The following DSCAM variants were observed in gnomAD, a reference collection of about 807,000 sequenced individuals.
DSCAM encodes DS cell adhesion molecule.
A neutral mutation model predicts 217.7 loss-of-function variants in DSCAM; 47 were observed. That is an observed-to-expected ratio of 0.22 (90% confidence interval 0.17 to 0.28). DSCAM has a LOEUF of 0.28. Among genes scored for constraint, DSCAM ranks in the 10% least tolerant of loss-of-function variants. The pLI, the probability that DSCAM is intolerant of heterozygous loss-of-function variation, is 1.00. For missense variants in DSCAM, 2,080 were observed against 2,618.3 expected, an observed-to-expected ratio of 0.79 and a Z score of 4.49; for synonymous variants, 1,056 against 1,015.3, an observed-to-expected ratio of 1.04 and a Z score of -0.76.
At chr21:40,755,527 G>C (rs1389554945) in intron 1 of DSCAM, among the ~76,000 whole-genome samples, 1 of 152,132 alleles carries the variant, frequency 6.6e-6, no homozygotes, top group Non-Finnish European at 1.5e-5. Context: ...TTAGATTTGA[G>C]GGTGGGTATG....
chr21:40,759,073 G>C (rs183073475), intron 1 of DSCAM, among the ~76,000 whole-genome samples: 2 of 152,116 alleles, frequency 1.3e-5, no homozygotes, highest in Non-Finnish European at 2.9e-5. Flanking sequence ...GTAGTGAGGA[G>C]GCACAAAAAG....
chr21:40,690,658 C>T (rs922427482), intron 3 of DSCAM, among the ~76,000 whole-genome samples: 1 of 152,036 alleles, frequency 6.6e-6, no homozygotes, highest in Non-Finnish European at 1.5e-5. Flanking sequence ...AGCATCATCC[C>T]CTCACTAGAT....
At chr21:40,499,362 T>C (rs2076154188) in intron 3 of DSCAM, among the ~76,000 whole-genome samples, 1 of 152,222 alleles carries the variant, frequency 6.6e-6, no homozygotes, top group South Asian at 2.1e-4. Flanking sequence ...GGTTTCTCTC[T>C]TGCTCTTTGA....
At position 40,369,330 on chromosome 21, in the gene DSCAM, T is replaced by C. The variant is rs9636970; in HGVS notation, c.509-85A>G. 4.2e-3 allele frequency: 5,994 copies of C among 1,414,834 alleles called. 142 individuals are homozygous for C. In the East Asian group the frequency reaches 0.061, roughly 14 times the overall value. 87.6% of individuals were successfully genotyped at this position (1,414,834 alleles called of 1,614,324 possible). A position where few individuals can be genotyped will look rare whatever the true frequency, so the allele number is the denominator to read the frequency against. On this transcript the variant is annotated intron_variant, in intron 3 of 32. Transcript: ENST00000400454. ...GACAAAGTCCTTAAACAGTTTTTTT[T>C]TTCCCCCACCTGAAGAAACTTAATG...
intron 2 of DSCAM, among the ~76,000 whole-genome samples, chr21:40,702,954 G>A (rs11911002): frequency 0.13 from 20,203 of 152,022 alleles, 2,407 homozygotes; most frequent in African/African-American, 0.32. Context: ...TTTTACTTCT[G>A]CCTATGTTAC....
In DSCAM at chr21:40,087,096, C is replaced by T. The variant is rs902432668; in HGVS notation, c.3968+74G>A. 4.4e-6 allele frequency: 5 copies of T among 1,138,570 alleles called. No homozygotes were observed. The African/African-American group carries it at 4.6e-5, about 10-fold the overall frequency. 70.5% of individuals were successfully genotyped at this position (1,138,570 alleles called of 1,614,324 possible). A position where few individuals can be genotyped will look rare whatever the true frequency, so the allele number is the denominator to read the frequency against. On this transcript the variant is annotated intron_variant, in intron 22 of 32. Coordinates refer to ENST00000400454, the MANE Select transcript of DSCAM (RefSeq NM_001389.5). ...AAATAAACACAAAATTAGGAGACCA[C>T]TAGACACAACCTGAGTATGTCAGAT...
intron 1 of DSCAM, among the ~76,000 whole-genome samples, chr21:40,809,441 A>G (rs2091817785): frequency 2.0e-5 from 3 of 151,688 alleles, no homozygotes; most frequent in Admixed American, 2.0e-4. Flanking sequence ...CGATTGTTGT[A>G]CAACTCTGTG....
At position 40,688,582 on chromosome 21, in the gene DSCAM, T is replaced by C. The variant is rs183716926; in HGVS notation, c.508+4228A>G. On this transcript the variant is annotated intron_variant, in intron 3 of 32. Transcript: ENST00000400454. ...TAGACATCATGACTCTTGTTCTTCC[T>C]GGCTCATTTTAGGGAGGTAAGAACA... 3.3e-5 allele frequency among the ~76,000 whole-genome samples: 5 copies of C among 152,360 alleles called. No individual in the cohort carries two copies. The East Asian group carries it at 9.7e-4, about 29-fold the overall frequency.
At chr21:40,408,219 G>A (rs1467751433) in intron 3 of DSCAM, among the ~76,000 whole-genome samples, 1 of 152,074 alleles carries the variant, frequency 6.6e-6, no homozygotes, top group Non-Finnish European at 1.5e-5. Context: ...TTCAGGGTTA[G>A]CATTGACAAT....
intron 20 of DSCAM, among the ~76,000 whole-genome samples, chr21:40,120,784 C>G (rs187213819): frequency 3.3e-5 from 5 of 152,338 alleles, no homozygotes; most frequent in Admixed American, 6.5e-5. Flanking sequence ...AACTTGTCAT[C>G]TGGCCACATG....
intron 3 of DSCAM, among the ~76,000 whole-genome samples, chr21:40,523,244 G>A (rs1368540722): frequency 6.6e-6 from 1 of 152,086 alleles, no homozygotes; most frequent in Non-Finnish European, 1.5e-5. Context: ...ACGGACCTAG[G>A]TGAAGGCAGA....
intron 20 of DSCAM, among the ~76,000 whole-genome samples, chr21:40,097,954 A>AAAAAAG (rs1555877400): frequency 1.9e-5 from 1 of 51,516 alleles, no homozygotes; most frequent in Non-Finnish European, 3.6e-5. Context: ...AAAAAAAAAA[A>AAAAAAG]AAAGAAAGAA....
At chr21:40,189,329 A>C in intron 11 of DSCAM, 91 bp from the exon 12 acceptor site, 1 of 1,015,710 alleles carries the variant, frequency 9.8e-7, no homozygotes. Context: ...GCTTCAAGAG[A>C]TATTTCTTCA....
At chr21:40,121,181 T>C (rs1033279814) in intron 20 of DSCAM, among the ~76,000 whole-genome samples, 2 of 152,180 alleles carry the variant, frequency 1.3e-5, no homozygotes, top group African/African-American at 2.4e-5. Flanking sequence ...CTTGGAAAAC[T>C]TGACAGCATC....
intron 20 of DSCAM, among the ~76,000 whole-genome samples, chr21:40,114,539 C>T (rs1454622200): frequency 6.6e-6 from 1 of 151,962 alleles, no homozygotes. Flanking sequence ...AAAGCAATGG[C>T]AACAAAAGCC....
At chr21:40,250,561 G>C (rs1209915696) in intron 11 of DSCAM, among the ~76,000 whole-genome samples, 3 of 152,188 alleles carry the variant, frequency 2.0e-5, no homozygotes, top group Non-Finnish European at 2.9e-5. Flanking sequence ...TTCTCACAAA[G>C]AATTAACCCA....
intron 3 of DSCAM, among the ~76,000 whole-genome samples, chr21:40,539,258 A>G (rs1274567750): frequency 6.6e-6 from 1 of 152,110 alleles, no homozygotes; most frequent in Non-Finnish European, 1.5e-5. Context: ...TAATCCCAGC[A>G]CTTTGGGAGG....
chr21:40,116,906 G>T (rs937720533), intron 20 of DSCAM, among the ~76,000 whole-genome samples: 17 of 146,910 alleles, frequency 1.2e-4, no homozygotes, highest in African/African-American at 3.3e-4. Context: ...GGAGGCCGAG[G>T]CAGGAGAATA....
intron 11 of DSCAM, among the ~76,000 whole-genome samples, chr21:40,195,433 T>G (rs762806450): frequency 6.6e-6 from 1 of 152,192 alleles, no homozygotes; most frequent in Non-Finnish European, 1.5e-5. Context: ...GTCACAAGCA[T>G]CTGGCTCAAT....
Sources: allele counts gnomAD v4.1 joint callset (sites outside exome capture counted in the v4.1 genomes callset), GRCh38; gene constraint gnomAD v4.1.1; transcripts MANE v1.5; gene names NCBI Gene and HGNC (gene_info 2026-07-23, HGNC 2026-07-21).